AFG2A: variants seen among roughly 807,000 people sequenced by gnomAD.
AFG2A encodes the protein ATPase family gene 2 protein homolog A.
chr4:123,001,673 T>A, the AFG2A span, among the ~76,000 whole-genome samples: 3 of 152,042 alleles, frequency 2.0e-5, no homozygotes, highest in Admixed American at 1.3e-4. Context: ...GAGAGACAGT[T>A]TGTTATAATT....
the AFG2A span, among the ~76,000 whole-genome samples, chr4:123,168,008 T>C: frequency 6.6e-6 from 1 of 152,188 alleles, no homozygotes; most frequent in East Asian, 1.9e-4. Context: ...CACACCAAAC[T>C]GATTGTTTTA....
the AFG2A span, among the ~76,000 whole-genome samples, chr4:123,241,752 A>G: frequency 6.6e-6 from 1 of 152,160 alleles, no homozygotes; most frequent in South Asian, 2.1e-4. Flanking sequence ...CACCACTCCT[A>G]CTCAACATAG....
chr4:123,033,945 AAG>A, the AFG2A span, among the ~76,000 whole-genome samples: 1 of 152,122 alleles, frequency 6.6e-6, no homozygotes, highest in Non-Finnish European at 1.5e-5. Context: ...TTAATATCAA[AAG>A]AGGGGAGGGG....
At chr4:123,027,122 T>G in the AFG2A span, among the ~76,000 whole-genome samples, 2 of 151,020 alleles carry the variant, frequency 1.3e-5, no homozygotes, top group East Asian at 1.9e-4. Flanking sequence ...TCAAGGTGTG[T>G]TTTTTTTTCT....
chr4:122,928,878 A>G, the AFG2A span, among the ~76,000 whole-genome samples: 2 of 152,226 alleles, frequency 1.3e-5, no homozygotes, highest in African/African-American at 4.8e-5. Flanking sequence ...TAAAAAATGC[A>G]ATTTATCTTA....
chr4:123,115,045 G>A, the AFG2A span, among the ~76,000 whole-genome samples: 2 of 152,198 alleles, frequency 1.3e-5, no homozygotes, highest in Non-Finnish European at 2.9e-5. Context: ...TGGGACACAG[G>A]AGACTGTTGC....
the AFG2A span, among the ~76,000 whole-genome samples, chr4:123,116,565 G>C: frequency 6.6e-6 from 1 of 152,168 alleles, no homozygotes; most frequent in South Asian, 2.1e-4. Context: ...CCCAAGTAAT[G>C]CTGAGATTGA....
chr4:123,295,282 G>A, the AFG2A span, among the ~76,000 whole-genome samples: 2 of 152,140 alleles, frequency 1.3e-5, no homozygotes, highest in Admixed American at 6.5e-5. Flanking sequence ...GTTGGGGCAA[G>A]GTGAAAAATG....
At chr4:123,217,693 T>G in the AFG2A span, among the ~76,000 whole-genome samples, 6 of 152,312 alleles carry the variant, frequency 3.9e-5, no homozygotes, top group East Asian at 1.2e-3. Context: ...CTGGCTAGTC[T>G]TAGAAGCAAT....
At chr4:123,208,724 A>G in the AFG2A span, among the ~76,000 whole-genome samples, 1 of 152,202 alleles carries the variant, frequency 6.6e-6, no homozygotes, top group African/African-American at 2.4e-5. Flanking sequence ...TAGTCTCCAG[A>G]TGGATACTAA....
the AFG2A span, among the ~76,000 whole-genome samples, chr4:123,275,540 T>C: frequency 6.6e-6 from 1 of 152,234 alleles, no homozygotes; most frequent in Admixed American, 6.5e-5. Context: ...GCAGGTTTGT[T>C]ACATAGGTAA....
At chr4:123,097,552 A>G in the AFG2A span, among the ~76,000 whole-genome samples, 509 of 152,218 alleles carry the variant, frequency 3.3e-3, 8 homozygotes, top group Admixed American at 0.029. Flanking sequence ...TTGTTTTCCA[A>G]TTTCAGCTTT....
the AFG2A span, among the ~76,000 whole-genome samples, chr4:123,002,710 T>G: frequency 6.6e-6 from 1 of 152,192 alleles, no homozygotes; most frequent in Non-Finnish European, 1.5e-5. Flanking sequence ...GTGGGTAACC[T>G]GACCTTTCTC....
chr4:123,262,919 T>C, the AFG2A span, among the ~76,000 whole-genome samples: 8 of 152,164 alleles, frequency 5.3e-5, no homozygotes, highest in Non-Finnish European at 7.4e-5. Context: ...GAAGAATTTT[T>C]TTCTGAGTTT....
chr4:123,145,605 C>T, the AFG2A span, among the ~76,000 whole-genome samples: 1 of 152,080 alleles, frequency 6.6e-6, no homozygotes, highest in African/African-American at 2.4e-5. Context: ...AGTATTAAAT[C>T]TGTTTAAATC....
At chr4:123,143,949 GGCTATATAATGTTTTCATCGTAAT>G in the AFG2A span, among the ~76,000 whole-genome samples, 12 of 151,208 alleles carry the variant, frequency 7.9e-5, no homozygotes, top group Non-Finnish European at 1.5e-4. Context: ...GTTTTGTAAG[GGCTATATAATGTTTTCATCGTAAT>G]GCTATATAAT....
chr4:122,960,543 T>C, the AFG2A span, among the ~76,000 whole-genome samples: 1 of 152,224 alleles, frequency 6.6e-6, no homozygotes, highest in Non-Finnish European at 1.5e-5. Flanking sequence ...GCTTTGCGTC[T>C]CTAAGAATTG....
chr4:123,080,726 A>G, the AFG2A span, among the ~76,000 whole-genome samples: 1 of 152,034 alleles, frequency 6.6e-6, no homozygotes, highest in Non-Finnish European at 1.5e-5. Context: ...CACCATGTTT[A>G]CAGTTAAAGT....
chr4:123,177,993 G>T, the AFG2A span, among the ~76,000 whole-genome samples: 2 of 152,192 alleles, frequency 1.3e-5, no homozygotes, highest in African/African-American at 4.8e-5. Context: ...TCAGCCAGGA[G>T]AAAGTACACT....
Sources: gnomAD v4.1 joint callset for allele counts (sites outside exome capture counted in the v4.1 genomes callset) on GRCh38, gnomAD v4.1.1 for gene constraint, MANE v1.5 for transcripts, NCBI Gene and HGNC (gene_info 2026-07-23, HGNC 2026-07-21) for gene names.